Variants in TBC1D9 observed in about 807,000 individuals in gnomAD.
TBC1D9 encodes the protein TBC1 domain family member 9, also known as TBC1 domain family member 9A.
TBC1D9 carries 63 observed loss-of-function variants against 132.0 expected under a neutral mutation model. The observed-to-expected ratio is 0.48, with a 90% confidence interval of 0.39 to 0.59. TBC1D9 has a LOEUF of 0.59. Among genes scored for constraint, TBC1D9 ranks in the 20% least tolerant of loss-of-function variants. The pLI is 0.00. For synonymous variants in TBC1D9, 610 were observed against 609.9 expected (o/e 1.00, Z 0.00); for missense variants, 1,261 against 1,592.7 (o/e 0.79, Z 3.54).
chr4:140,657,311 A>G (rs1440481258), intron 12 of TBC1D9, 85 bp from the exon 13 acceptor site: 3 of 1,501,676 alleles, frequency 2.0e-6, no homozygotes, highest in East Asian at 4.5e-5. Context: ...TGCAAGTTCT[A>G]CATTTTAAAA....
At chr4:140,729,207 T>C (rs1738548108) in intron 1 of TBC1D9, among the ~76,000 whole-genome samples, 1 of 152,186 alleles carries the variant, frequency 6.6e-6, no homozygotes, top group African/African-American at 2.4e-5. Context: ...AACCACCTCA[T>C]TGGATCTCAG....
intron 3 of TBC1D9, among the ~76,000 whole-genome samples, chr4:140,684,824 C>A (rs1737756492): frequency 6.6e-6 from 1 of 151,276 alleles, no homozygotes; most frequent in Admixed American, 6.6e-5. Flanking sequence ...GAGTGAAACT[C>A]TGTCTCAATA....
chr4:140,754,614 CAAAAAA>C (rs34471976), intron 1 of TBC1D9, among the ~76,000 whole-genome samples: 1 of 23,258 alleles, frequency 4.3e-5, no homozygotes, highest in Non-Finnish European at 7.2e-5. Flanking sequence ...GACTCTGTCT[CAAAAAA>C]AAAAAAAAAA....
At chr4:140,700,933 C>G (rs183877877) in intron 2 of TBC1D9, 1 of 152,594 alleles carries the variant, frequency 6.6e-6, no homozygotes, top group African/African-American at 2.4e-5. Flanking sequence ...TCATGACCTT[C>G]GGACCAGCCA....
chr4:140,650,626 A>G (rs1349286273), intron 13 of TBC1D9, among the ~76,000 whole-genome samples: 1 of 152,158 alleles, frequency 6.6e-6, no homozygotes, highest in Non-Finnish European at 1.5e-5. Context: ...TCCGCCTCCC[A>G]GGTTCAATCG....
At chr4:140,711,041 G>C (rs1738235443) in intron 1 of TBC1D9, among the ~76,000 whole-genome samples, 1 of 152,130 alleles carries the variant, frequency 6.6e-6, no homozygotes, top group Non-Finnish European at 1.5e-5. Flanking sequence ...CTTTGTGCAG[G>C]ACTCAAATCT....
In TBC1D9 at chr4:140,679,768, C is replaced by G; in HGVS notation, c.436G>C (p.Val146Leu). 6.2e-7 allele frequency: 1 copy of G among 1,613,814 alleles called. No individual in the cohort carries two copies. Among genetic ancestry groups the G allele is most frequent in the Non-Finnish European group, 8.5e-7 (1 of 1,179,836 alleles). Reference sequence around the variant, plus strand: ...ATCCCAAACAGCCTATGAAATTTCACAATGGCTTCTTTAAACTTCTCCGTG... The same window carrying G: ...ATCCCAAACAGCCTATGAAATTTCAGAATGGCTTCTTTAAACTTCTCCGTG... ...DDTEKFKEAI[V>L]KFHRLFGMPE... is the part of the protein sequence containing the mutation. Residue 146 changes from valine to leucine, a missense_variant, in exon 4 of 21, where the codon GTG becomes CTG. Physicochemically the swap from Val to Leu is conservative, Grantham distance 32. Transcript: ENST00000442267.
At chr4:140,753,703 C>T (rs887960873) in intron 1 of TBC1D9, among the ~76,000 whole-genome samples, 2 of 152,110 alleles carry the variant, frequency 1.3e-5, no homozygotes, top group African/African-American at 4.8e-5. Flanking sequence ...TGTAGAGTGG[C>T]AATTTTACTT....
chr4:140,634,308 G>C, intron 15 of TBC1D9, 120 bp from the exon 16 acceptor site: 1 of 1,407,616 alleles, frequency 7.1e-7, no homozygotes, highest in South Asian at 1.4e-5. Context: ...CTGGGGCAGG[G>C]CTGTGGCCTC....
chr4:140,686,314 A>C (rs897242865), intron 3 of TBC1D9, 30 bp downstream of exon 3: 1 of 1,251,036 alleles, frequency 8.0e-7, no homozygotes, highest in African/African-American at 1.5e-5. Context: ...AATTATTTCC[A>C]ATTAAAATGT....
At chr4:140,671,219 T>G (rs35014570) in intron 6 of TBC1D9, among the ~76,000 whole-genome samples, 69,010 of 151,798 alleles carry the variant, frequency 0.45, 15,870 homozygotes, top group South Asian at 0.54. Flanking sequence ...TCTGGAGGCA[T>G]TTTGGGTTGT....
intron 13 of TBC1D9, among the ~76,000 whole-genome samples, chr4:140,650,369 T>C (rs1001699589): frequency 6.6e-6 from 1 of 152,204 alleles, no homozygotes; most frequent in Non-Finnish European, 1.5e-5. Context: ...AATGGTTCCT[T>C]GCCTCAGGTG....
intron 1 of TBC1D9, among the ~76,000 whole-genome samples, chr4:140,722,542 GGT>G (rs1455451218): frequency 6.6e-6 from 1 of 152,154 alleles, no homozygotes; most frequent in Non-Finnish European, 1.5e-5. Flanking sequence ...GCTGGGTCCT[GGT>G]AATGCCATGT....
chr4:140,717,152 C>T (rs1738347094), intron 1 of TBC1D9, among the ~76,000 whole-genome samples: 1 of 152,176 alleles, frequency 6.6e-6, no homozygotes, highest in Non-Finnish European at 1.5e-5. Context: ...TTCTTCCTCA[C>T]GTTCTGTTAC....
chr4:140,725,707 C>G (rs1336318689), intron 1 of TBC1D9, among the ~76,000 whole-genome samples: 1 of 151,976 alleles, frequency 6.6e-6, no homozygotes, highest in Non-Finnish European at 1.5e-5. Flanking sequence ...TGCCTTCCCT[C>G]CTGGAGTTAA....
At chr4:140,709,291 C>A (rs1251494745) in intron 1 of TBC1D9, among the ~76,000 whole-genome samples, 2 of 147,472 alleles carry the variant, frequency 1.4e-5, no homozygotes, top group African/African-American at 5.0e-5. Context: ...CACACACACC[C>A]CAATTCATCA....
intron 1 of TBC1D9, among the ~76,000 whole-genome samples, chr4:140,726,149 C>G (rs762063362): frequency 2.0e-5 from 3 of 151,884 alleles, no homozygotes; most frequent in Non-Finnish European, 4.4e-5. Flanking sequence ...ATTACCTGGG[C>G]GTGGTGGTGC....
chr4:140,740,099 C>G (rs765129757), intron 1 of TBC1D9, among the ~76,000 whole-genome samples: 21 of 152,140 alleles, frequency 1.4e-4, no homozygotes, highest in Admixed American at 6.6e-4. Flanking sequence ...CTCCTTGCAC[C>G]CAGATATAAA....
Position 140,756,259 on chromosome 4 carries a change from G to T in TBC1D9, c.-214C>A. On this transcript the variant is annotated 5_prime_UTR_variant, in exon 1 of 21. Coordinates refer to ENST00000442267, the MANE Select transcript of TBC1D9 (RefSeq NM_015130.3). This position sits in a 1 kb window ranked among gnomAD's most constrained non-coding sequence, Gnocchi z 5.6. ...CGGCCCGGGAGGACGGTGAGGACGC[G>T]GGCGCGGCAAGCAGCATCCTCCCCG... The T allele has an allele frequency of 3.2e-6, 1 of 310,066 alleles. No homozygotes were observed. The highest frequency in any genetic ancestry group is 5.9e-6 in the Non-Finnish European group (1 of 170,692). The allele number at this position is 310,066 out of a possible 1,614,324, so 19.2% of individuals were successfully genotyped here.
Sources: allele counts gnomAD v4.1 joint callset (sites outside exome capture counted in the v4.1 genomes callset), GRCh38; gene constraint gnomAD v4.1.1; non-coding constraint Gnocchi (gnomAD v3.1); transcripts MANE v1.5; gene names NCBI Gene and HGNC (gene_info 2026-07-23, HGNC 2026-07-21).